The following MYH10 variants were observed in gnomAD, a reference collection of about 807,000 sequenced individuals.
MYH10 encodes myosin-10.
A neutral mutation model predicts 257.8 loss-of-function variants in MYH10; 55 were observed. That is an observed-to-expected ratio of 0.21 (90% CI 0.17 to 0.27). MYH10 has a LOEUF of 0.27. MYH10 is among the 10% of genes least tolerant of loss of function. The pLI, the probability that MYH10 is intolerant of heterozygous loss-of-function variation, is 1.00. For synonymous variants in MYH10, 854 were observed against 921.7 expected (o/e 0.93, Z 1.33); for missense variants, 1,631 against 2,500.6 (o/e 0.65, Z 7.42).
At chr17:8,626,691 A>G (rs16957476) in intron 1 of MYH10, among the ~76,000 whole-genome samples, 9,094 of 151,618 alleles carry the variant, frequency 0.06, 928 homozygotes, top group African/African-American at 0.21. Flanking sequence ...TTTGAGAACA[A>G]ATAATAGGAT....
At chr17:8,629,939 G>A (rs1412273522) in intron 1 of MYH10, among the ~76,000 whole-genome samples, 1 of 151,566 alleles carries the variant, frequency 6.6e-6, no homozygotes, top group Non-Finnish European at 1.5e-5. Flanking sequence ...CGGCTCCGGA[G>A]CCCCTCACCC....
chr17:8,584,968 C>G (rs2083840809), intron 4 of MYH10, among the ~76,000 whole-genome samples: 1 of 152,010 alleles, frequency 6.6e-6, no homozygotes, highest in South Asian at 2.1e-4. Flanking sequence ...TTCAGCCTCT[C>G]AAGTAGCTGA....
chr17:8,510,671 T>C (rs927127745), intron 24 of MYH10, among the ~76,000 whole-genome samples: 1 of 152,216 alleles, frequency 6.6e-6, no homozygotes, highest in Admixed American at 6.5e-5. Context: ...ATGAATAATG[T>C]AGTAGCACTC....
intron 17 of MYH10, among the ~76,000 whole-genome samples, chr17:8,523,960 C>A (rs1169286073): frequency 6.6e-6 from 1 of 151,934 alleles, no homozygotes; most frequent in Non-Finnish European, 1.5e-5. Context: ...GTCTGGGATG[C>A]CTGGGGGACT....
chr17:8,478,558 A>T, intron 40 of MYH10, 112 bp from the exon 41 acceptor site: 3 of 910,310 alleles, frequency 3.3e-6, no homozygotes, highest in East Asian at 5.0e-5. Flanking sequence ...TGGAGGCATT[A>T]TGGACCTCTC....
chr17:8,592,967 ATAT>A (rs1567953244), intron 3 of MYH10, among the ~76,000 whole-genome samples: 2 of 127,244 alleles, frequency 1.6e-5, no homozygotes, highest in Non-Finnish European at 3.4e-5. Flanking sequence ...ATATATATAT[ATAT>A]AAAAGATGAT....
chr17:8,566,004 T>C (rs887682277), intron 7 of MYH10, among the ~76,000 whole-genome samples: 5 of 152,152 alleles, frequency 3.3e-5, no homozygotes, highest in African/African-American at 1.2e-4. Context: ...TAACTGGTAT[T>C]TTGGGCTCAA....
chr17:8,617,536 C>T (rs1182249406), intron 2 of MYH10, among the ~76,000 whole-genome samples: 1 of 152,166 alleles, frequency 6.6e-6, no homozygotes, highest in Non-Finnish European at 1.5e-5. Context: ...GGAACTCCAA[C>T]TAAATCAGAC....
intron 28 of MYH10, among the ~76,000 whole-genome samples, chr17:8,503,400 C>A (rs2080971942): frequency 1.3e-5 from 2 of 152,248 alleles, no homozygotes; most frequent in African/African-American, 4.8e-5. Context: ...AGACAAAAAC[C>A]AACCAACCTC....
At chr17:8,589,148 C>A (rs763336119) in intron 3 of MYH10, 40 bp from the exon 4 acceptor site, 5 of 1,598,940 alleles carry the variant, frequency 3.1e-6, no homozygotes, top group Non-Finnish European at 4.3e-6. Context: ...AAGAAAGTGA[C>A]CATTTGCCTG....
At position 8,474,287 on chromosome 17, in the gene MYH10, G is replaced by A. The variant is rs1244743283; in HGVS notation, c.*1517C>T. On this transcript the variant is annotated 3_prime_UTR_variant, in exon 43 of 43. Transcript: ENST00000360416. ...TTTTTTCTTCAAGTAAACAGAGCAG[G>A]CGCAAATATCTATAATGAATAAATT... 6.6e-6 allele frequency: 1 copy of A among 152,576 alleles called. No homozygotes were observed. 9.5% of individuals were successfully genotyped at this position (152,576 alleles called of 1,614,324 possible). A position where few individuals can be genotyped will look rare whatever the true frequency, so the allele number is the denominator to read the frequency against.
At chr17:8,485,140 T>C (rs998967033) in intron 36 of MYH10, among the ~76,000 whole-genome samples, 4 of 152,174 alleles carry the variant, frequency 2.6e-5, no homozygotes, top group Admixed American at 2.6e-4. Context: ...AACTAATTGA[T>C]GAGTTTAGCA....
Position 8,535,435 on chromosome 17 carries a change from G to A in MYH10, c.1846C>T (p.Leu616Phe), listed in dbSNP as rs1294810414. 1 of 1,614,022 alleles carries A rather than the reference G, an allele frequency of 6.2e-7. No individual in the cohort carries two copies. Among genetic ancestry groups the A allele is most frequent in the Non-Finnish European group, 8.5e-7 (1 of 1,179,984 alleles). Reference protein sequence around the residue: ...MDPLNDNVATLLHQSSDRFVA... With the variant: ...MDPLNDNVATFLHQSSDRFVA... Reference sequence around the variant, plus strand: ...AATCTGTCTGATGACTGGTGCAAAAGGGTGGCCACGTTGTCATTCAGGGGG... The same window carrying A: ...AATCTGTCTGATGACTGGTGCAAAAAGGTGGCCACGTTGTCATTCAGGGGG... The change falls in exon 16 of 43, where the codon CTT (leucine) becomes TTT (phenylalanine). Residue 616 changes from leucine to phenylalanine, a missense_variant. By Grantham distance (22) the Leu-to-Phe change is conservative. Around this residue, in one of 11 missense-constraint regions of MYH10, gnomAD observed 96 missense variants for 146.2 expected, o/e 0.66. Transcript: ENST00000360416. The surrounding 1 kb of genome is among the most constrained non-coding windows in gnomAD (Gnocchi z 4.3).
chr17:8,615,395 T>C lies in MYH10; in HGVS notation c.345+7507A>G, dbSNP rs568703132. Among the ~76,000 whole-genome samples the C allele has an allele frequency of 2.3e-4, 35 of 152,298 alleles. No individual in the cohort carries two copies. The South Asian group carries it at 7.2e-3, about 32-fold the overall frequency. ...CTTTAAAAAGAAATAACATCAATCC[T>C]AGCCAAACTCTTCCAGAGAACAAAG... On this transcript the variant is annotated intron_variant, in intron 2 of 42. Coordinates refer to ENST00000360416, the MANE Select transcript of MYH10 (RefSeq NM_001256012.3).
chr17:8,553,457 C>T (rs555382021), intron 8 of MYH10, among the ~76,000 whole-genome samples: 43 of 152,280 alleles, frequency 2.8e-4, no homozygotes, highest in African/African-American at 9.4e-4. Context: ...TATGTGCATA[C>T]ACATATATAA....
In MYH10 at chr17:8,619,730, C is replaced by G. The variant is rs528018727; in HGVS notation, c.345+3172G>C. On this transcript the variant is annotated intron_variant, in intron 2 of 42. Coordinates refer to ENST00000360416, the MANE Select transcript of MYH10 (RefSeq NM_001256012.3). Reference sequence around the variant, plus strand: ...CTTGAGGTCAGGAGTTCAAGACCAGCCTGGCCAACATGGTGAAACCCCATC... The same window carrying G: ...CTTGAGGTCAGGAGTTCAAGACCAGGCTGGCCAACATGGTGAAACCCCATC... Among the ~76,000 whole-genome samples the G allele has an allele frequency of 2.0e-5, 3 of 152,106 alleles. No individual in the cohort carries two copies. In the East Asian group the frequency reaches 5.8e-4, roughly 29 times the overall value.
At chr17:8,620,119 C>T (rs997359419) in intron 2 of MYH10, among the ~76,000 whole-genome samples, 3 of 152,060 alleles carry the variant, frequency 2.0e-5, no homozygotes, top group Admixed American at 2.0e-4. Flanking sequence ...TATATTGAAC[C>T]CTATATCCAA....
intron 7 of MYH10, chr17:8,554,438 C>T (rs1408322226): frequency 6.7e-6 from 1 of 150,180 alleles, no homozygotes; most frequent in South Asian, 2.1e-4. Context: ...AAAAAAAAAA[C>T]CCGAAAACTT....
chr17:8,621,699 T>A (rs1188964566), intron 2 of MYH10, among the ~76,000 whole-genome samples: 1 of 152,012 alleles, frequency 6.6e-6, no homozygotes, highest in East Asian at 1.9e-4. Flanking sequence ...GAGAAGAAAA[T>A]AAGGGAGATC....
Sources: gnomAD v4.1 joint callset for allele counts (sites outside exome capture counted in the v4.1 genomes callset) on GRCh38, gnomAD v4.1.1 for gene constraint, gnomAD v4.1.1 regional missense constraint, Gnocchi (gnomAD v3.1) non-coding constraint, MANE v1.5 for transcripts, NCBI Gene and HGNC (gene_info 2026-07-23, HGNC 2026-07-21) for gene names.